The following EBF3 variants were observed in gnomAD, a reference collection of about 807,000 sequenced individuals.
The protein encoded by EBF3 is EBF transcription factor 3.
Under a neutral mutation model 77.1 loss-of-function variants are expected in EBF3, and 18 were observed. That is an observed-to-expected ratio of 0.23 (90% CI 0.16 to 0.35). The LOEUF is 0.35. Ranked by LOEUF, EBF3 falls within the 10% of genes least tolerant of loss-of-function variation. The probability of loss-of-function intolerance (pLI) is 1.00; values close to 1 mark genes in which losing one functional copy is unlikely to be tolerated. For synonymous variants in EBF3, 350 were observed against 343.5 expected, an observed-to-expected ratio of 1.02 and a Z score of -0.21; for missense variants, 558 against 860.0, an observed-to-expected ratio of 0.65 and a Z score of 4.39.
chr10:129,839,984 C>T (rs1849898355), intron 15 of EBF3, among the ~76,000 whole-genome samples: 2 of 152,246 alleles, frequency 1.3e-5, no homozygotes, highest in African/African-American at 2.4e-5. Context: ...GCACAGGGTG[C>T]TCCACCGTAA....
intron 16 of EBF3, among the ~76,000 whole-genome samples, chr10:129,838,246 T>C (rs771431131): frequency 1.2e-4 from 19 of 152,364 alleles, no homozygotes; most frequent in African/African-American, 3.6e-4. Flanking sequence ...GGCACTGCTG[T>C]GTGCAGAGGC....
chr10:129,836,051 G>A lies in EBF3; in HGVS notation c.*1892C>T, dbSNP rs764689198. 6.6e-6 allele frequency: 1 copy of A among 152,638 alleles called. No individual in the cohort carries two copies. The highest frequency in any genetic ancestry group is 1.5e-5 in the Non-Finnish European group (1 of 68,038). The allele number at this position is 152,638 out of a possible 1,614,324, so 9.5% of individuals were successfully genotyped here. ...CCTCTGTGAATCGGAGGTGGGCCCA[G>A]GAGGGTGCAGGACGCAGCAGAAATA... On this transcript the variant is annotated 3_prime_UTR_variant, in exon 17 of 17. Coordinates refer to ENST00000440978, the MANE Select transcript of EBF3 (RefSeq NM_001375380.1).
Position 129,963,688 on chromosome 10 carries a change from C to G in EBF3, c.81G>C (p.Val27=). 6.6e-7 allele frequency: 1 copy of G among 1,526,690 alleles called. No homozygotes were observed. The highest frequency in any genetic ancestry group is 2.8e-5 in the East Asian group (1 of 35,904). The allele number at this position is 1,526,690 out of a possible 1,614,324, so 94.6% of individuals were successfully genotyped here. Residue 27 remains valine, a synonymous_variant, in exon 1 of 17, where the codon GTG becomes GTC. Transcript: ENST00000440978. The surrounding 1 kb of genome is among the most constrained non-coding windows in gnomAD (Gnocchi z 7.1). The stretch of plus-strand genomic sequence containing the variant: ...CGCCCGCCGTGTGCATCCACGAGCG[C>G]ACCGGGTTCATGCCGCTGCCCAGCG... The part of the protein sequence containing the change: ...EEPLGSGMNP[V]RSWMHTAGVV...
intron 6 of EBF3, among the ~76,000 whole-genome samples, chr10:129,931,193 C>T (rs1463990268): frequency 6.6e-6 from 1 of 152,142 alleles, no homozygotes; most frequent in African/African-American, 2.4e-5. Flanking sequence ...CTGACTAATA[C>T]CTATGGGTTT....
chr10:129,872,328 C>A (rs1351703704), intron 8 of EBF3, among the ~76,000 whole-genome samples: 1 of 152,182 alleles, frequency 6.6e-6, no homozygotes, highest in Non-Finnish European at 1.5e-5. Context: ...GACATCGGTG[C>A]TTAGGGCGAC....
intron 6 of EBF3, among the ~76,000 whole-genome samples, chr10:129,880,364 C>T (rs964395044): frequency 6.7e-6 from 1 of 150,010 alleles, no homozygotes; most frequent in African/African-American, 2.4e-5. Context: ...CACACATGCC[C>T]ACATGCCCAC....
chr10:129,866,755 G>T (rs921646359), intron 10 of EBF3, among the ~76,000 whole-genome samples: 4 of 152,202 alleles, frequency 2.6e-5, no homozygotes, highest in African/African-American at 9.6e-5. Context: ...ACACCACGGG[G>T]AAGAGGCATA....
chr10:129,934,152 G>A (rs1402968427), intron 6 of EBF3, among the ~76,000 whole-genome samples: 1 of 152,090 alleles, frequency 6.6e-6, no homozygotes, highest in Non-Finnish European at 1.5e-5. Flanking sequence ...TGGCACCTCA[G>A]GGCCTAGTAT....
At chr10:129,839,530 G>A (rs3750827) in intron 15 of EBF3, among the ~76,000 whole-genome samples, 2,122 of 152,152 alleles carry the variant, frequency 0.014, 30 homozygotes, top group South Asian at 0.044. Flanking sequence ...CCTCGGGGCC[G>A]GCCCTTCTCC....
intron 6 of EBF3, among the ~76,000 whole-genome samples, chr10:129,892,141 T>C (rs1183124605): frequency 6.6e-6 from 1 of 152,240 alleles, no homozygotes; most frequent in Non-Finnish European, 1.5e-5. Flanking sequence ...CTGAGCAGGA[T>C]GATCCCGGGT....
intron 6 of EBF3, among the ~76,000 whole-genome samples, chr10:129,883,295 C>T (rs1420155479): frequency 6.6e-6 from 1 of 152,200 alleles, no homozygotes; most frequent in Non-Finnish European, 1.5e-5. Flanking sequence ...TAAGTGGCCA[C>T]GCTGCAAGGA....
chr10:129,941,922 A>G lies in EBF3; in HGVS notation c.554+15336T>C, dbSNP rs1304713566. On this transcript the variant is annotated intron_variant, in intron 6 of 16. Coordinates refer to ENST00000440978, the MANE Select transcript of EBF3 (RefSeq NM_001375380.1). ...GGTGAGATCCCAATCCAGACCCACA[A>G]GGGATGACACAGGGAGCAAAGTGAG... Among the ~76,000 whole-genome samples the G allele has an allele frequency of 4.6e-5, 7 of 152,372 alleles. 1 individual carries two copies. The highest frequency in any genetic ancestry group is 3.4e-3 in the Middle Eastern group (1 of 294).
rs543881049 is a variant in EBF3 at position 129,916,763 on chromosome 10, G to A, written c.555-38914C>T. 3.9e-5 allele frequency among the ~76,000 whole-genome samples: 6 copies of A among 152,278 alleles called. No individual in the cohort carries two copies. In the South Asian group the frequency reaches 8.3e-4, roughly 21 times the overall value. On this transcript the variant is annotated intron_variant, in intron 6 of 16. Transcript: ENST00000440978. The stretch of plus-strand genomic sequence containing the variant: ...CCATTCCCTGACCTCTCAGGGCTCC[G>A]GCTCACGCTCAGCCTCATGGGCCAC...
rs1019114940 is a variant in EBF3, at chr10:129,935,632, T to C, written c.554+21626A>G. On this transcript the variant is annotated intron_variant, in intron 6 of 16. Transcript: ENST00000440978. The surrounding 1 kb of genome is among the most constrained non-coding windows in gnomAD (Gnocchi z 4.2). ...GGTGCCTCCTGATCAGGGCTGCTCA[T>C]CCAGAGCCCAGAGCCTGGGCGTCCA... 1.1e-4 allele frequency among the ~76,000 whole-genome samples: 16 copies of C among 152,120 alleles called. No individual in the cohort carries two copies. The highest frequency in any genetic ancestry group is 3.9e-4 in the African/African-American group (16 of 41,414).
At chr10:129,917,650 T>C (rs1244901592) in intron 6 of EBF3, among the ~76,000 whole-genome samples, 2 of 2,468 alleles carry the variant, frequency 8.1e-4, no homozygotes, top group African/African-American at 1.1e-3. Flanking sequence ...AGACCCTGCC[T>C]CAAAAAAAAA....
At chr10:129,920,931 C>A (rs1856252301) in intron 6 of EBF3, among the ~76,000 whole-genome samples, 1 of 152,054 alleles carries the variant, frequency 6.6e-6, no homozygotes, top group Non-Finnish European at 1.5e-5. Flanking sequence ...TCCTCATCCT[C>A]AAAATGGGGA....
intron 15 of EBF3, among the ~76,000 whole-genome samples, chr10:129,839,941 C>T (rs192353341): frequency 6.6e-6 from 1 of 152,386 alleles, no homozygotes; most frequent in African/African-American, 2.4e-5. Flanking sequence ...ACCACACTCC[C>T]GCCTTCTCTT....
Position 129,848,763 on chromosome 10 carries a change from G to A in EBF3, c.1040-283C>T, listed in dbSNP as rs1850649637. On this transcript the variant is annotated intron_variant, in intron 10 of 16. Coordinates refer to ENST00000440978, the MANE Select transcript of EBF3 (RefSeq NM_001375380.1). This position sits in a 1 kb window ranked among gnomAD's most constrained non-coding sequence, Gnocchi z 4.4. ...GCAGTCACAAAGTTACAGGTCTTGGGGCCATATGTAGCAATCACCACCATC... is the reference window on the plus strand; with the variant it reads ...GCAGTCACAAAGTTACAGGTCTTGGAGCCATATGTAGCAATCACCACCATC... 6.6e-6 allele frequency among the ~76,000 whole-genome samples: 1 copy of A among 152,132 alleles called. No individual in the cohort carries two copies. Among genetic ancestry groups the A allele is most frequent in the Non-Finnish European group, 1.5e-5 (1 of 68,038 alleles).
intron 6 of EBF3, among the ~76,000 whole-genome samples, chr10:129,913,470 AT>A (rs1855661801): frequency 6.6e-6 from 1 of 152,218 alleles, no homozygotes; most frequent in African/African-American, 2.4e-5. Context: ...TGGATAGTTT[AT>A]TGCTGAAACC....
Sources: gnomAD v4.1 joint callset for allele counts (sites outside exome capture counted in the v4.1 genomes callset) on GRCh38, gnomAD v4.1.1 for gene constraint, Gnocchi (gnomAD v3.1) non-coding constraint, MANE v1.5 for transcripts, NCBI Gene and HGNC (gene_info 2026-07-23, HGNC 2026-07-21) for gene names.